The following LDLRAD4 variants were observed in gnomAD, a reference collection of about 807,000 sequenced individuals.
The protein encoded by LDLRAD4 is low-density lipoprotein receptor class A domain-containing protein 4.
Under a neutral mutation model 17.0 loss-of-function variants are expected in LDLRAD4, and 5 were observed. The observed-to-expected ratio is 0.29, with a 90% CI of 0.15 to 0.62. The LOEUF (loss-of-function observed/expected upper bound fraction) is 0.62, where lower values mean the gene tolerates loss of function less well. LDLRAD4 is among the 20% of genes least tolerant of loss of function. The probability of loss-of-function intolerance (pLI) is 0.84; values close to 1 mark genes in which losing one functional copy is unlikely to be tolerated. For missense variants in LDLRAD4, 340 were observed against 424.7 expected (o/e 0.80, Z 1.75); for synonymous variants, 168 against 171.8 (o/e 0.98, Z 0.17).
intron 3 of LDLRAD4, among the ~76,000 whole-genome samples, chr18:13,609,931 G>T (rs1486383714): frequency 1.3e-5 from 2 of 152,112 alleles, no homozygotes; most frequent in Admixed American, 1.3e-4. Flanking sequence ...GCAGTAATCA[G>T]AAATTTCGCC....
chr18:13,428,726 A>T (rs1218080785), intron 2 of LDLRAD4, among the ~76,000 whole-genome samples: 1 of 151,884 alleles, frequency 6.6e-6, no homozygotes, highest in African/African-American at 2.4e-5. Context: ...GAGTGTGTGG[A>T]TGGGTTGGGA....
At chr18:13,505,819 AAAAAACAAAAAC>A (rs777739267) in intron 3 of LDLRAD4, among the ~76,000 whole-genome samples, 1 of 150,666 alleles carries the variant, frequency 6.6e-6, no homozygotes, top group Admixed American at 6.6e-5. Flanking sequence ...CTCTGTCTCA[AAAAAACAAAAAC>A]AAAAACAAAA....
At chr18:13,356,906 G>T (rs1302914918) in intron 1 of LDLRAD4, among the ~76,000 whole-genome samples, 3 of 152,224 alleles carry the variant, frequency 2.0e-5, no homozygotes, top group Non-Finnish European at 4.4e-5. Context: ...GGCCGAGGTG[G>T]AGGGATCACG....
chr18:13,275,447 A>G (rs2044805358), upstream of LDLRAD4, among the ~76,000 whole-genome samples: 2 of 152,182 alleles, frequency 1.3e-5, no homozygotes, highest in South Asian at 4.1e-4. Flanking sequence ...ATTCAGAGCT[A>G]TGGGCTCTAC....
At chr18:13,604,183 G>A (rs2095196558) in intron 3 of LDLRAD4, among the ~76,000 whole-genome samples, 1 of 152,200 alleles carries the variant, frequency 6.6e-6, no homozygotes, top group Non-Finnish European at 1.5e-5. Flanking sequence ...CCTGGAATGT[G>A]CCTTGACTTT....
At chr18:13,445,527 TAA>T (rs1236443011) in intron 3 of LDLRAD4, among the ~76,000 whole-genome samples, 7 of 150,602 alleles carry the variant, frequency 4.6e-5, no homozygotes, top group East Asian at 1.9e-4. Flanking sequence ...CGTGTGTGTA[TAA>T]GAGTGCATCT....
intron 2 of LDLRAD4, among the ~76,000 whole-genome samples, chr18:13,392,718 A>G (rs960968112): frequency 6.6e-6 from 1 of 152,224 alleles, no homozygotes; most frequent in Non-Finnish European, 1.5e-5. Context: ...GTTTTGCACA[A>G]TTAATTTTCT....
In LDLRAD4 at chr18:13,253,397, T is replaced by G. The variant is rs531034549; in HGVS notation, c.-466-24708T>G. Among the ~76,000 whole-genome samples, 35 of 152,324 alleles carry G rather than the reference T, an allele frequency of 2.3e-4. 1 individual carries two copies. The highest frequency in any genetic ancestry group is 1.1e-3 in the Admixed American group (17 of 15,306). On this transcript the variant is annotated intron_variant, in intron 1 of 5. Coordinates refer to the LDLRAD4 transcript ENST00000399848. ...TTTTTTAAGAAGCATGATATACATC[T>G]AGGAAGAGTAATATTTTAAAAGTCT...
intron 1 of LDLRAD4, among the ~76,000 whole-genome samples, chr18:13,292,090 CTG>C (rs1426909409): frequency 2.6e-5 from 4 of 152,208 alleles, no homozygotes; most frequent in African/African-American, 9.6e-5. Context: ...CAGTGAAGCA[CTG>C]TGGGATTCAG....
intron 1 of LDLRAD4, among the ~76,000 whole-genome samples, chr18:13,223,092 G>C (rs2041553247): frequency 1.3e-5 from 2 of 152,218 alleles, no homozygotes; most frequent in Admixed American, 1.3e-4. Context: ...TCTTGCCCTA[G>C]TTGTTTGCGG....
intron 3 of LDLRAD4, among the ~76,000 whole-genome samples, chr18:13,480,471 G>A (rs1279215814): frequency 3.3e-5 from 5 of 152,198 alleles, no homozygotes; most frequent in Non-Finnish European, 7.3e-5. Flanking sequence ...ATTCTGTATG[G>A]TACTGTAGCA....
intron 3 of LDLRAD4, among the ~76,000 whole-genome samples, chr18:13,566,212 G>C (rs893590309): frequency 1.3e-5 from 2 of 152,178 alleles, no homozygotes; most frequent in African/African-American, 4.8e-5. Context: ...AGATAGTAGG[G>C]GAAAGGGCAC....
chr18:13,416,245 G>A (rs768591564), intron 2 of LDLRAD4, among the ~76,000 whole-genome samples: 1 of 152,186 alleles, frequency 6.6e-6, no homozygotes, highest in African/African-American at 2.4e-5. Context: ...CTTTAAATGC[G>A]AATGCCCACG....
At chr18:13,348,232 A>T (rs981603500) in intron 1 of LDLRAD4, among the ~76,000 whole-genome samples, 30 of 152,188 alleles carry the variant, frequency 2.0e-4, no homozygotes, top group Middle Eastern at 6.8e-3. Context: ...GATGATGGTG[A>T]CATACAAATG....
intron 1 of LDLRAD4, among the ~76,000 whole-genome samples, chr18:13,372,994 A>T (rs2084631163): frequency 6.6e-6 from 1 of 152,238 alleles, no homozygotes; most frequent in South Asian, 2.1e-4. Flanking sequence ...TACACAATAA[A>T]TATCAACAAC....
chr18:13,642,620 C>G (rs368363858), intron 4 of LDLRAD4: 5 of 1,230,440 alleles, frequency 4.1e-6, no homozygotes, highest in Non-Finnish European at 4.1e-6. Flanking sequence ...CGCGGACTTG[C>G]GCCTCTGCTG....
chr18:13,410,570 T>C (rs773762843), intron 2 of LDLRAD4, among the ~76,000 whole-genome samples: 2 of 152,232 alleles, frequency 1.3e-5, no homozygotes, highest in Non-Finnish European at 2.9e-5. Context: ...CAGTGAGGCT[T>C]AATCTGCATT....
intron 2 of LDLRAD4, chr18:13,419,339 G>A (rs913974928): frequency 6.6e-6 from 1 of 152,182 alleles, no homozygotes; most frequent in East Asian, 1.9e-4. Context: ...AAGTCATCAA[G>A]CCATAGTTTT....
intron 4 of LDLRAD4, among the ~76,000 whole-genome samples, chr18:13,625,129 A>G (rs530425671): frequency 6.6e-6 from 1 of 152,220 alleles, no homozygotes; most frequent in African/African-American, 2.4e-5. Context: ...GAGCCTGTGC[A>G]TTGTTGGGGA....
Sources: gnomAD v4.1 joint callset for allele counts (sites outside exome capture counted in the v4.1 genomes callset) on GRCh38, gnomAD v4.1.1 for gene constraint, MANE v1.5 for transcripts, NCBI Gene and HGNC (gene_info 2026-07-23, HGNC 2026-07-21) for gene names.